Variants in BCL11B observed in about 807,000 individuals in gnomAD.
BCL11B encodes BCL11 transcription factor B.
BCL11B carries 8 observed loss-of-function variants against 49.9 expected under a neutral mutation model. The observed-to-expected ratio is 0.16, with a 90% CI of 0.09 to 0.29. The LOEUF (loss-of-function observed/expected upper bound fraction) is 0.29. Ranked by LOEUF, BCL11B falls within the 10% of genes least tolerant of loss-of-function variation. The pLI is 1.00. For missense variants in BCL11B, 1,006 were observed against 1,351.0 expected (o/e 0.74, Z 4.00); for synonymous variants, 739 against 637.4 (o/e 1.16, Z -2.40).
intron 2 of BCL11B, among the ~76,000 whole-genome samples, chr14:99,245,113 T>C (rs1241179425): frequency 6.6e-6 from 1 of 152,230 alleles, no homozygotes; most frequent in African/African-American, 2.4e-5. Flanking sequence ...AGCTTTGTGG[T>C]GGACAGGCTG....
intron 3 of BCL11B, among the ~76,000 whole-genome samples, chr14:99,199,155 G>A (rs925378131): frequency 3.3e-5 from 5 of 152,106 alleles, no homozygotes; most frequent in South Asian, 2.1e-4. Context: ...CCTGATCCAC[G>A]TCCTGGTAAT....
chr14:99,228,384 C>T lies in BCL11B; in HGVS notation c.640+2961G>A, dbSNP rs144254388. On this transcript the variant is annotated intron_variant, in intron 3 of 3. Transcript: ENST00000357195. The surrounding 1 kb of genome is among the most constrained non-coding windows in gnomAD (Gnocchi z 4.8). Reference sequence around the variant, plus strand: ...GATAGTTTCAGGTATTCAAATTGATCGGGAAACATGGTGGTGCAAGCTGGT... The same window carrying T: ...GATAGTTTCAGGTATTCAAATTGATTGGGAAACATGGTGGTGCAAGCTGGT... 2.2e-4 allele frequency among the ~76,000 whole-genome samples: 33 copies of T among 152,256 alleles called. No individual in the cohort carries two copies. The highest frequency in any genetic ancestry group is 4.6e-4 in the Non-Finnish European group (31 of 68,018).
intron 3 of BCL11B, among the ~76,000 whole-genome samples, chr14:99,209,432 G>C (rs1887626660): frequency 1.3e-5 from 2 of 152,140 alleles, no homozygotes; most frequent in Non-Finnish European, 2.9e-5. Flanking sequence ...CCATGTGAAG[G>C]AACAAGCCTG....
chr14:99,268,449 G>A (rs983478799), intron 1 of BCL11B, among the ~76,000 whole-genome samples: 2 of 152,092 alleles, frequency 1.3e-5, no homozygotes, highest in African/African-American at 4.8e-5. Context: ...TGTTTTAAGG[G>A]GTATCTTTGG....
intron 3 of BCL11B, among the ~76,000 whole-genome samples, chr14:99,183,328 T>G (rs1014355111): frequency 2.6e-5 from 4 of 152,138 alleles, no homozygotes; most frequent in Non-Finnish European, 4.4e-5. Context: ...CTTAGCTTAT[T>G]TATTTAAAAT....
intron 1 of BCL11B, among the ~76,000 whole-genome samples, chr14:99,260,236 T>C (rs967892456): frequency 1.3e-5 from 2 of 152,168 alleles, no homozygotes; most frequent in Admixed American, 1.3e-4. Flanking sequence ...CGGTACCTGG[T>C]ACTATTTTAA....
intron 2 of BCL11B, among the ~76,000 whole-genome samples, chr14:99,245,946 G>A (rs1003632330): frequency 6.6e-6 from 1 of 152,164 alleles, no homozygotes; most frequent in African/African-American, 2.4e-5. Flanking sequence ...GGGACCGACG[G>A]GGGCGGGGGG....
chr14:99,194,481 T>C lies in BCL11B; in HGVS notation c.641-18286A>G, dbSNP rs1399326897. Among the ~76,000 whole-genome samples the C allele has an allele frequency of 6.6e-6, 1 of 152,240 alleles. No individual in the cohort carries two copies. Among genetic ancestry groups the C allele is most frequent in the Non-Finnish European group, 1.5e-5 (1 of 68,036 alleles). On this transcript the variant is annotated intron_variant, in intron 3 of 3. Transcript: ENST00000357195. The surrounding 1 kb of genome is among the most constrained non-coding windows in gnomAD (Gnocchi z 4.6). ...GGGGCACCCAGAACCCCATCCAGTGTTGCCCATGCACCTTGAACAAAGGAC... is the reference window on the plus strand; with the variant it reads ...GGGGCACCCAGAACCCCATCCAGTGCTGCCCATGCACCTTGAACAAAGGAC...
chr14:99,237,135 T>C (rs1225860964), intron 2 of BCL11B, among the ~76,000 whole-genome samples: 1 of 151,978 alleles, frequency 6.6e-6, no homozygotes, highest in African/African-American at 2.4e-5. Context: ...GGAGACTTCT[T>C]CGTTTGCTCA....
At chr14:99,187,451 G>A (rs929738488) in intron 3 of BCL11B, among the ~76,000 whole-genome samples, 1 of 152,052 alleles carries the variant, frequency 6.6e-6, no homozygotes, top group Non-Finnish European at 1.5e-5. Context: ...CCCTGAAAAG[G>A]GCCTACGCTG....
At chr14:99,219,630 G>A (rs548880755) in intron 3 of BCL11B, among the ~76,000 whole-genome samples, 5 of 152,110 alleles carry the variant, frequency 3.3e-5, no homozygotes, top group South Asian at 2.1e-4. Flanking sequence ...GCTCTATCTC[G>A]CTCCTAGGGA....
chr14:99,216,934 A>G (rs891010936), intron 3 of BCL11B, among the ~76,000 whole-genome samples: 3 of 152,116 alleles, frequency 2.0e-5, no homozygotes, highest in Non-Finnish European at 2.9e-5. Context: ...ATGCACAAAT[A>G]TCCACATGTG....
Position 99,262,007 on chromosome 14 carries a change from CGTT to C in BCL11B, c.59-4171_59-4169del, listed in dbSNP as rs1000370188. Among the ~76,000 whole-genome samples the C allele has an allele frequency of 6.6e-6, 1 of 152,212 alleles. No homozygotes were observed. The highest frequency in any genetic ancestry group is 2.4e-5 in the African/African-American group (1 of 41,452). On this transcript the variant is annotated intron_variant, in intron 1 of 3. Coordinates refer to ENST00000357195, the MANE Select transcript of BCL11B (RefSeq NM_138576.4). The surrounding 1 kb of genome is among the most constrained non-coding windows in gnomAD (Gnocchi z 4.2). ...AGCAATCACAAATAATAATGGACAT[CGTT>C]GTTAAGTGAAAGGGGAAGCACTTGA...
rs1304707888 is a variant in BCL11B, at chr14:99,242,031, G to T, written c.428-10474C>A. 2.0e-5 allele frequency among the ~76,000 whole-genome samples: 3 copies of T among 152,164 alleles called. No individual in the cohort carries two copies. Among genetic ancestry groups the T allele is most frequent in the Non-Finnish European group, 4.4e-5 (3 of 68,032 alleles). ...CCCACTTGGGTTTAAGGAAAGGGTG[G>T]GTAGAAGGGGACAGGAAAAGGGGAG... is the stretch of plus-strand genomic sequence containing the variant. On this transcript the variant is annotated intron_variant, in intron 2 of 3. Transcript: ENST00000357195. The surrounding 1 kb of genome is among the most constrained non-coding windows in gnomAD (Gnocchi z 4.4).
intron 3 of BCL11B, among the ~76,000 whole-genome samples, chr14:99,190,004 A>T (rs1886975249): frequency 6.6e-6 from 1 of 152,020 alleles, no homozygotes; most frequent in South Asian, 2.1e-4. Context: ...CCAGGAAATC[A>T]CTCTCAAGGC....
At chr14:99,253,523 C>T (rs909578980) in intron 2 of BCL11B, among the ~76,000 whole-genome samples, 2 of 152,180 alleles carry the variant, frequency 1.3e-5, no homozygotes, top group African/African-American at 4.8e-5. Flanking sequence ...AGGCACTCAT[C>T]ATAAATGTCA....
Position 99,174,692 on chromosome 14 carries a change from T to C in BCL11B, c.2144A>G (p.Tyr715Cys). The change falls in exon 4 of 4, where the codon TAC becomes TGC. Residue 715 changes from tyrosine to cysteine, a missense_variant. Tyr to Cys is a radical substitution (Grantham distance 194). Transcript: ENST00000357195. ...ENVYSQWLVG[Y>C]AASRHFMKDP... ...CTTCATGAAGTGCCGCGACGCCGCG[T>C]AGCCCACCAGCCACTGCGAGTACAC... 1 of 1,574,790 alleles carries C rather than the reference T, an allele frequency of 6.4e-7. No individual in the cohort carries two copies. The highest frequency in any genetic ancestry group is 8.6e-7 in the Non-Finnish European group (1 of 1,162,908).
intron 2 of BCL11B, among the ~76,000 whole-genome samples, chr14:99,252,303 A>G (rs866399994): frequency 2.0e-5 from 3 of 152,266 alleles, no homozygotes; most frequent in Admixed American, 6.5e-5. Context: ...AAATAGATCA[A>G]GTGCAAGTTT....
chr14:99,231,489 C>T lies in BCL11B; in HGVS notation c.496G>A (p.Val166Met), dbSNP rs375841913. 8.1e-6 allele frequency: 13 copies of T among 1,601,254 alleles called. No homozygotes were observed. The highest frequency in any genetic ancestry group is 1.1e-5 in the South Asian group (1 of 88,810). ...IAASSHPHSS[V>M]ITSPLRALGA... ...AGGGCACGCAGAGGTGAAGTGATCA[C>T]GGATGAGTGAGGGTGGGAGGAGGCA... Residue 166 changes from valine to methionine, a missense_variant, in exon 3 of 4, where the codon GTG (valine) becomes ATG (methionine). By Grantham distance (21) the Val-to-Met change is conservative. This residue lies in a region of BCL11B where 411 missense variants were observed against 542.2 expected (regional missense o/e 0.76). Coordinates refer to ENST00000357195, the MANE Select transcript of BCL11B (RefSeq NM_138576.4). This position sits in a 1 kb window ranked among gnomAD's most constrained non-coding sequence, Gnocchi z 8.1.
Sources: gnomAD v4.1 joint callset for allele counts (sites outside exome capture counted in the v4.1 genomes callset) on GRCh38, gnomAD v4.1.1 for gene constraint, gnomAD v4.1.1 regional missense constraint, Gnocchi (gnomAD v3.1) non-coding constraint, MANE v1.5 for transcripts, NCBI Gene and HGNC (gene_info 2026-07-23, HGNC 2026-07-21) for gene names.